Variants in RIMS2 observed in about 807,000 individuals in gnomAD.
The protein encoded by RIMS2 is regulating synaptic membrane exocytosis protein 2.
Under a neutral mutation model 174.4 loss-of-function variants are expected in RIMS2, and 59 were observed. The observed-to-expected ratio is 0.34, with a 90% CI of 0.27 to 0.42. RIMS2 has a LOEUF of 0.42. RIMS2 is among the 10% of genes least tolerant of loss of function. The pLI, the probability that RIMS2 is intolerant of heterozygous loss-of-function variation, is 1.00. For synonymous variants in RIMS2, 606 were observed against 572.5 expected (o/e 1.06, Z -0.84); for missense variants, 1,620 against 1,666.3 (o/e 0.97, Z 0.48).
At chr8:103,771,786 T>A (rs555488999) in intron 3 of RIMS2, among the ~76,000 whole-genome samples, 1 of 152,246 alleles carries the variant, frequency 6.6e-6, no homozygotes, top group African/African-American at 2.4e-5. Flanking sequence ...TAACTGGTAG[T>A]TGTATGACAA....
chr8:103,645,781 C>T (rs1205969896), intron 1 of RIMS2, among the ~76,000 whole-genome samples: 1 of 152,160 alleles, frequency 6.6e-6, no homozygotes, highest in South Asian at 2.1e-4. Context: ...GAAACCAGTA[C>T]ACACTAATAG....
intron 19 of RIMS2, among the ~76,000 whole-genome samples, chr8:104,201,932 T>C (rs777078658): frequency 1.3e-5 from 2 of 152,194 alleles, no homozygotes; most frequent in Non-Finnish European, 2.9e-5. Flanking sequence ...AAATATTTTC[T>C]GTAGAAGAAT....
At chr8:104,124,930 T>G (rs1363375785) in intron 19 of RIMS2, among the ~76,000 whole-genome samples, 1 of 151,734 alleles carries the variant, frequency 6.6e-6, no homozygotes, top group Non-Finnish European at 1.5e-5. Context: ...CTATAGATAT[T>G]TTATCATTAA....
intron 1 of RIMS2, among the ~76,000 whole-genome samples, chr8:103,679,956 G>GT (rs1458183728): frequency 2.0e-5 from 3 of 152,128 alleles, no homozygotes; most frequent in African/African-American, 7.2e-5. Flanking sequence ...CATATTATTA[G>GT]TGGTTGCCTT....
chr8:104,137,882 TTCTA>T (rs1379508022), intron 19 of RIMS2, among the ~76,000 whole-genome samples: 16 of 152,290 alleles, frequency 1.1e-4, no homozygotes, highest in African/African-American at 3.8e-4. Context: ...ATATTGTTCA[TTCTA>T]TCTAATCATA....
At chr8:103,638,556 C>T (rs28695369) in intron 1 of RIMS2, among the ~76,000 whole-genome samples, 1,769 of 152,012 alleles carry the variant, frequency 0.012, 33 homozygotes, top group African/African-American at 0.039. Flanking sequence ...TTTTGTTCGT[C>T]CTCAAATAGT....
intron 19 of RIMS2, among the ~76,000 whole-genome samples, chr8:104,111,741 C>T (rs573819999): frequency 1.3e-5 from 2 of 152,256 alleles, no homozygotes; most frequent in Non-Finnish European, 2.9e-5. Flanking sequence ...TTCTATGCTT[C>T]CAACAATACG....
chr8:104,235,387 G>GA (rs2099252911), intron 19 of RIMS2, among the ~76,000 whole-genome samples: 1 of 152,014 alleles, frequency 6.6e-6, no homozygotes, highest in Non-Finnish European at 1.5e-5. Flanking sequence ...TCCTCATATG[G>GA]AAAATGATAG....
intron 1 of RIMS2, among the ~76,000 whole-genome samples, chr8:103,655,142 T>C (rs2096511466): frequency 6.6e-6 from 1 of 151,976 alleles, no homozygotes; most frequent in African/African-American, 2.4e-5. Flanking sequence ...CTTTGACTTT[T>C]CCTGAGATTT....
At chr8:103,707,374 T>C (rs2097245475) in intron 2 of RIMS2, among the ~76,000 whole-genome samples, 1 of 152,218 alleles carries the variant, frequency 6.6e-6, no homozygotes, top group Admixed American at 6.5e-5. Context: ...TAAGTATTTA[T>C]TCCAGTCTTT....
intron 3 of RIMS2, among the ~76,000 whole-genome samples, chr8:103,878,638 G>A (rs903342287): frequency 4.0e-5 from 6 of 151,202 alleles, no homozygotes; most frequent in Non-Finnish European, 8.9e-5. Flanking sequence ...CAGTAGTATT[G>A]GTACCAGATC....
intron 19 of RIMS2, among the ~76,000 whole-genome samples, chr8:104,034,919 A>G (rs62527156): frequency 0.25 from 38,496 of 152,096 alleles, 5,283 homozygotes; most frequent in African/African-American, 0.35. Flanking sequence ...ACATTTACAC[A>G]TAAAATATTT....
At chr8:103,526,819 A>G (rs563267223) in intron 1 of RIMS2, among the ~76,000 whole-genome samples, 7 of 152,246 alleles carry the variant, frequency 4.6e-5, no homozygotes, top group Non-Finnish European at 8.8e-5. Context: ...AGAAGGAGAG[A>G]AGGAGAGTGC....
intron 1 of RIMS2, among the ~76,000 whole-genome samples, chr8:103,544,130 A>T (rs1843799803): frequency 1.3e-5 from 2 of 152,334 alleles, no homozygotes; most frequent in East Asian, 3.9e-4. Flanking sequence ...GAAAACAAAG[A>T]GCCAGGCAGG....
chr8:103,942,537 G>C (rs192405049), intron 13 of RIMS2, among the ~76,000 whole-genome samples: 1 of 152,188 alleles, frequency 6.6e-6, no homozygotes, highest in East Asian at 1.9e-4. Flanking sequence ...GTAGTGGGTA[G>C]TCAAGGGTCA....
rs1035827880 is a variant in RIMS2 at position 103,501,961 on chromosome 8, T to C, written c.176+899T>C. ...TTTAGCTCTGAGACTACTTTTCTGG[T>C]TAGCGTAGCAAAGAGATTTGTTTCT... is the stretch of plus-strand genomic sequence containing the variant. On this transcript the variant is annotated intron_variant, in intron 1 of 23. Transcript: ENST00000504942. Among the ~76,000 whole-genome samples the C allele has an allele frequency of 7.9e-5, 12 of 152,348 alleles. No individual in the cohort carries two copies. The East Asian group carries it at 2.1e-3, about 27-fold the overall frequency.
intron 19 of RIMS2, among the ~76,000 whole-genome samples, chr8:104,150,265 T>C (rs2098678504): frequency 6.6e-6 from 1 of 152,136 alleles, no homozygotes; most frequent in South Asian, 2.1e-4. Flanking sequence ...AGTTAGAAAA[T>C]ATATGAAACT....
chr8:103,581,855 A>G (rs936698641), intron 1 of RIMS2, among the ~76,000 whole-genome samples: 2 of 152,192 alleles, frequency 1.3e-5, no homozygotes, highest in South Asian at 2.1e-4. Context: ...TGTAGGCCAT[A>G]AGGACTGCAA....
chr8:103,682,379 AC>A (rs1039760831), intron 1 of RIMS2, among the ~76,000 whole-genome samples: 1 of 152,166 alleles, frequency 6.6e-6, no homozygotes, highest in African/African-American at 2.4e-5. Context: ...CAGGAGTCTT[AC>A]AAAAGCTAAG....
Sources: gnomAD v4.1 joint callset for allele counts (sites outside exome capture counted in the v4.1 genomes callset) on GRCh38, gnomAD v4.1.1 for gene constraint, MANE v1.5 for transcripts, NCBI Gene and HGNC (gene_info 2026-07-23, HGNC 2026-07-21) for gene names.